The following DLGAP1 variants were observed in gnomAD, a reference collection of about 807,000 sequenced individuals.
DLGAP1 encodes the protein DLG associated protein 1.
Under a neutral mutation model 90.8 loss-of-function variants are expected in DLGAP1, and 11 were observed. The observed-to-expected ratio is 0.12, with a 90% CI of 0.08 to 0.20. DLGAP1 has a LOEUF of 0.20. Ranked by LOEUF, DLGAP1 falls within the 10% of genes least tolerant of loss-of-function variation. DLGAP1 has a pLI of 1.00. For missense variants in DLGAP1, 1,050 were observed against 1,333.8 expected (o/e 0.79, Z 3.31); for synonymous variants, 558 against 540.7 (o/e 1.03, Z -0.44).
chr18:4,235,964 G>A (rs1394771638), intron 1 of DLGAP1, among the ~76,000 whole-genome samples: 1 of 151,886 alleles, frequency 6.6e-6, no homozygotes, highest in Non-Finnish European at 1.5e-5. Flanking sequence ...GACCTCAGGT[G>A]ATCCGCCTGC....
intron 5 of DLGAP1, among the ~76,000 whole-genome samples, chr18:3,776,848 T>C (rs2064961593): frequency 6.6e-6 from 1 of 152,238 alleles, no homozygotes; most frequent in South Asian, 2.1e-4. Flanking sequence ...TGGAGTGCAG[T>C]GGCACAATCA....
chr18:3,601,049 G>GAGATAAAGAT (rs2056988107), intron 7 of DLGAP1, among the ~76,000 whole-genome samples: 1 of 144,770 alleles, frequency 6.9e-6, no homozygotes, highest in African/African-American at 2.6e-5. Flanking sequence ...TAAAGATATA[G>GAGATAAAGAT]ATAGATATAT....
chr18:4,161,124 G>A (rs1229389178), intron 1 of DLGAP1, among the ~76,000 whole-genome samples: 2 of 151,244 alleles, frequency 1.3e-5, no homozygotes, highest in African/African-American at 4.9e-5. Context: ...GGATGTGCAG[G>A]TTTGTTACAT....
intron 3 of DLGAP1, among the ~76,000 whole-genome samples, chr18:3,914,421 T>C (rs987869118): frequency 1.3e-5 from 2 of 152,224 alleles, no homozygotes; most frequent in Admixed American, 1.3e-4. Flanking sequence ...CAATTTTTAA[T>C]ACATAAACCA....
chr18:4,351,989 A>G (rs1486956509), intron 1 of DLGAP1, among the ~76,000 whole-genome samples: 3 of 152,188 alleles, frequency 2.0e-5, no homozygotes, highest in Admixed American at 6.5e-5. Context: ...AATCTGGAAT[A>G]AAACCATGAG....
intron 1 of DLGAP1, among the ~76,000 whole-genome samples, chr18:4,209,723 T>G (rs1236596448): frequency 6.6e-6 from 1 of 152,242 alleles, no homozygotes; most frequent in Admixed American, 6.5e-5. Flanking sequence ...TTATAAAGGT[T>G]AATTCATCAT....
chr18:4,352,981 C>A (rs181215311), intron 1 of DLGAP1, among the ~76,000 whole-genome samples: 10 of 152,282 alleles, frequency 6.6e-5, no homozygotes, highest in African/African-American at 2.2e-4. Flanking sequence ...CCCGAAAAGT[C>A]TTCTGGGCAG....
intron 2 of DLGAP1, among the ~76,000 whole-genome samples, chr18:4,089,265 G>A (rs1411946278): frequency 2.6e-5 from 4 of 152,054 alleles, no homozygotes; most frequent in Non-Finnish European, 4.4e-5. Flanking sequence ...GGATCTCTTC[G>A]AGGACAACTA....
chr18:3,612,994 C>T (rs2057703188), intron 7 of DLGAP1, among the ~76,000 whole-genome samples: 1 of 152,136 alleles, frequency 6.6e-6, no homozygotes, highest in African/African-American at 2.4e-5. Flanking sequence ...GCGCCCGCCA[C>T]CATGCCCGGC....
intron 7 of DLGAP1, chr18:3,598,382 C>T (rs1339030312): frequency 1.3e-5 from 2 of 151,786 alleles, no homozygotes; most frequent in African/African-American, 2.4e-5. Context: ...CATTCATTAT[C>T]CAACTTTGTC....
chr18:4,265,853 A>C (rs1332626966), intron 1 of DLGAP1, among the ~76,000 whole-genome samples: 5 of 150,942 alleles, frequency 3.3e-5, no homozygotes, highest in Non-Finnish European at 7.4e-5. Flanking sequence ...ATACCTGGCT[A>C]CTTTTTTTGT....
chr18:4,273,641 C>T (rs1002038756), intron 1 of DLGAP1, among the ~76,000 whole-genome samples: 9 of 152,150 alleles, frequency 5.9e-5, no homozygotes, highest in Admixed American at 2.6e-4. Flanking sequence ...CACCCTGTTA[C>T]CCAGGCTGGT....
intron 2 of DLGAP1, among the ~76,000 whole-genome samples, chr18:4,140,134 T>C (rs1263905370): frequency 6.6e-6 from 1 of 152,070 alleles, no homozygotes; most frequent in Non-Finnish European, 1.5e-5. Flanking sequence ...GACTTACTCT[T>C]GCCATTTTGT....
intron 10 of DLGAP1, among the ~76,000 whole-genome samples, chr18:3,529,786 A>G (rs2051874884): frequency 6.6e-6 from 1 of 152,200 alleles, no homozygotes; most frequent in African/African-American, 2.4e-5. Context: ...CTGGAACAAC[A>G]GATGGTTGGG....
At chr18:3,601,098 A>T (rs1222563088) in intron 7 of DLGAP1, among the ~76,000 whole-genome samples, 2 of 150,550 alleles carry the variant, frequency 1.3e-5, no homozygotes, top group Non-Finnish European at 3.0e-5. Flanking sequence ...AGATATATAT[A>T]TTTTTTGAGA....
In DLGAP1 at chr18:4,165,926, G is replaced by A. The variant is rs138925321; in HGVS notation, c.-266-14639C>T. ...AATCTTAACACTTTGGGAGGCTAAG[G>A]TGAGAGGATGGCTTGAGGACAGAAG... On this transcript the variant is annotated intron_variant, in intron 1 of 12. Coordinates refer to ENST00000315677, the MANE Select transcript of DLGAP1 (RefSeq NM_004746.4). 1.6e-3 allele frequency among the ~76,000 whole-genome samples: 241 copies of A among 152,272 alleles called. 1 individual carries two copies. Among genetic ancestry groups the A allele is most frequent in the African/African-American group, 5.5e-3 (228 of 41,556 alleles).
At chr18:4,345,096 T>C (rs77053892) in intron 1 of DLGAP1, among the ~76,000 whole-genome samples, 4,210 of 152,246 alleles carry the variant, frequency 0.028, 72 homozygotes, top group Non-Finnish European at 0.038. Flanking sequence ...TCAACATCCG[T>C]CCACCCAAGA....
intron 1 of DLGAP1, among the ~76,000 whole-genome samples, chr18:4,249,479 G>A (rs1440964688): frequency 6.8e-6 from 1 of 148,104 alleles, no homozygotes; most frequent in African/African-American, 2.5e-5. Context: ...GTGAATATTG[G>A]CTATGCATAT....
At chr18:4,380,342 A>G (rs377432598) in intron 1 of DLGAP1, among the ~76,000 whole-genome samples, 1 of 152,194 alleles carries the variant, frequency 6.6e-6, no homozygotes, top group Non-Finnish European at 1.5e-5. Context: ...GAAGTTGCCA[A>G]TTTAACAAGG....
Sources: allele counts gnomAD v4.1 joint callset (sites outside exome capture counted in the v4.1 genomes callset), GRCh38; gene constraint gnomAD v4.1.1; transcripts MANE v1.5; gene names NCBI Gene and HGNC (gene_info 2026-07-23, HGNC 2026-07-21).